Variants in CDH12 observed in about 807,000 individuals in gnomAD.
CDH12 encodes the protein cadherin 12, also known as cadherin-12.
CDH12 carries 41 observed loss-of-function variants against 74.1 expected under a neutral mutation model. The observed-to-expected ratio is 0.55, with a 90% CI of 0.43 to 0.72. CDH12 has a LOEUF of 0.72. CDH12 is among the 30% of genes least tolerant of loss of function. CDH12 has a pLI of 0.00. For missense variants in CDH12, 945 were observed against 977.2 expected (o/e 0.97, Z 0.44); for synonymous variants, 399 against 355.0 (o/e 1.12, Z -1.39).
chr5:22,550,089 G>A (rs1307163098), intron 1 of CDH12, among the ~76,000 whole-genome samples: 3 of 152,056 alleles, frequency 2.0e-5, no homozygotes, highest in Admixed American at 6.6e-5. Context: ...CACTGCTTCC[G>A]TTTCTTGAAA....
At chr5:22,726,139 A>T (rs983919595) in intron 1 of CDH12, among the ~76,000 whole-genome samples, 35 of 151,720 alleles carry the variant, frequency 2.3e-4, no homozygotes, top group Non-Finnish European at 1.5e-4. Context: ...CATATTCATC[A>T]TGATAATATC....
At chr5:21,850,832 TG>T (rs912043030) in intron 7 of CDH12, among the ~76,000 whole-genome samples, 12 of 151,484 alleles carry the variant, frequency 7.9e-5, no homozygotes, top group African/African-American at 2.9e-4. Flanking sequence ...CTCACTCAAT[TG>T]TTTTTTTTAA....
chr5:22,497,638 C>CTTTTTTT (rs747466944), intron 2 of CDH12, among the ~76,000 whole-genome samples: 16 of 83,240 alleles, frequency 1.9e-4, no homozygotes, highest in Non-Finnish European at 2.1e-4. Flanking sequence ...TGTCGAATCT[C>CTTTTTTT]TTTTTTTTTT....
chr5:22,227,273 C>T (rs1318119176), intron 3 of CDH12, among the ~76,000 whole-genome samples: 1 of 151,846 alleles, frequency 6.6e-6, no homozygotes, highest in Admixed American at 6.6e-5. Context: ...ATGAAGGAGA[C>T]AAAATATATA....
At chr5:22,485,609 G>A (rs922547511) in intron 2 of CDH12, among the ~76,000 whole-genome samples, 1 of 152,082 alleles carries the variant, frequency 6.6e-6, no homozygotes, top group African/African-American at 2.4e-5. Context: ...AGTATTATTT[G>A]TATAGTTTTA....
chr5:22,581,371 G>A (rs996914778), intron 1 of CDH12, among the ~76,000 whole-genome samples: 2 of 152,194 alleles, frequency 1.3e-5, no homozygotes, highest in Non-Finnish European at 2.9e-5. Flanking sequence ...TCAAGCCTTG[G>A]CAGCTTTGGG....
chr5:22,715,630 G>C (rs1156433242), intron 1 of CDH12, among the ~76,000 whole-genome samples: 7 of 151,684 alleles, frequency 4.6e-5, no homozygotes, highest in African/African-American at 1.7e-4. Flanking sequence ...TGGTGATCCC[G>C]TCTCTATTAA....
intron 2 of CDH12, among the ~76,000 whole-genome samples, chr5:22,438,273 T>C (rs1744486167): frequency 6.6e-6 from 1 of 152,074 alleles, no homozygotes; most frequent in Non-Finnish European, 1.5e-5. Flanking sequence ...TATAGCATTT[T>C]GGCATCATTT....
intron 3 of CDH12, among the ~76,000 whole-genome samples, chr5:22,381,578 T>C (rs1297363162): frequency 1.3e-5 from 2 of 152,012 alleles, no homozygotes; most frequent in Non-Finnish European, 2.9e-5. Context: ...ATTCAGATGG[T>C]GGGTGTCCTG....
intron 1 of CDH12, among the ~76,000 whole-genome samples, chr5:22,714,661 T>C (rs1031266451): frequency 6.6e-6 from 1 of 152,278 alleles, no homozygotes; most frequent in South Asian, 2.1e-4. Flanking sequence ...AAAAACCTCA[T>C]TACTACCACA....
intron 10 of CDH12, among the ~76,000 whole-genome samples, chr5:21,797,233 T>A (rs1056800322): frequency 1.7e-4 from 26 of 151,948 alleles, no homozygotes; most frequent in Admixed American, 1.4e-3. Context: ...AAGATGATGA[T>A]GATAAAATAC....
intron 5 of CDH12, among the ~76,000 whole-genome samples, chr5:21,978,964 T>C (rs1757189786): frequency 1.4e-5 from 2 of 147,952 alleles, no homozygotes; most frequent in Admixed American, 6.8e-5. Flanking sequence ...GTGAAGGAAG[T>C]TCTTAGCCTC....
chr5:22,828,570 C>A (rs555835210), intron 1 of CDH12, among the ~76,000 whole-genome samples: 1 of 152,072 alleles, frequency 6.6e-6, no homozygotes, highest in Non-Finnish European at 1.5e-5. Flanking sequence ...CCAATAACAG[C>A]GTGTGGTGGA....
intron 1 of CDH12, among the ~76,000 whole-genome samples, chr5:22,625,543 G>T (rs1738242963): frequency 6.6e-6 from 1 of 152,128 alleles, no homozygotes; most frequent in Admixed American, 6.5e-5. Context: ...GTGGAGTATG[G>T]CCAGGGAGGC....
intron 5 of CDH12, among the ~76,000 whole-genome samples, chr5:22,009,185 C>T (rs1737144166): frequency 6.6e-6 from 1 of 152,126 alleles, no homozygotes; most frequent in African/African-American, 2.4e-5. Flanking sequence ...CTGGATCTAC[C>T]ACCACTAAGG....
At chr5:22,156,175 C>A (rs1748010732) in intron 4 of CDH12, among the ~76,000 whole-genome samples, 1 of 152,146 alleles carries the variant, frequency 6.6e-6, no homozygotes, top group South Asian at 2.1e-4. Flanking sequence ...TGCATGAGCA[C>A]ACTCTATTTT....
chr5:22,194,941 T>C (rs544927768), intron 4 of CDH12, among the ~76,000 whole-genome samples: 2 of 152,146 alleles, frequency 1.3e-5, no homozygotes, highest in East Asian at 3.9e-4. Context: ...CTTGGGAGTT[T>C]CACAAATAGC....
intron 1 of CDH12, among the ~76,000 whole-genome samples, chr5:22,663,568 T>A (rs1740455318): frequency 6.6e-6 from 1 of 152,186 alleles, no homozygotes; most frequent in Admixed American, 6.5e-5. Flanking sequence ...AATTACTCTT[T>A]ACAAACAAAA....
chr5:22,023,239 T>C (rs1018760659), intron 5 of CDH12, among the ~76,000 whole-genome samples: 1 of 152,126 alleles, frequency 6.6e-6, no homozygotes, highest in Admixed American at 6.5e-5. Context: ...TTTTCTTGTA[T>C]GTAGAAATTC....
Sources: allele counts gnomAD v4.1 joint callset (sites outside exome capture counted in the v4.1 genomes callset), GRCh38; gene constraint gnomAD v4.1.1; transcripts MANE v1.5; gene names NCBI Gene and HGNC (gene_info 2026-07-23, HGNC 2026-07-21).